JRK: variants seen among roughly 807,000 people sequenced by gnomAD.
The protein encoded by JRK is jerky protein homolog.
For synonymous variants in JRK, 303 were observed against 218.1 expected (o/e 1.39, Z -3.43); for missense variants, 720 against 509.2 (o/e 1.41, Z -3.98).
Position 142,661,809 on chromosome 8 carries a change from A to T in JRK, c.*2543T>A, listed in dbSNP as rs1320666541. ...CTTGGGGAAAAAGATTCTGAGGCTA[A>T]AACATTCAACCACTTGAGCTTCTGA... On this transcript the variant is annotated 3_prime_UTR_variant, in exon 2 of 2. Coordinates refer to ENST00000612905, the MANE Select transcript of JRK (RefSeq NM_003724.4). 6 of 985,498 alleles carry T rather than the reference A, an allele frequency of 6.1e-6. No individual in the cohort carries two copies. In the African/African-American group the frequency reaches 1.0e-4, roughly 17 times the overall value. 61.0% of individuals were successfully genotyped at this position (985,498 alleles called of 1,614,324 possible). A position where few individuals can be genotyped will look rare whatever the true frequency, so the allele number is the denominator to read the frequency against.
downstream of JRK, among the ~76,000 whole-genome samples, chr8:142,655,794 G>A (rs1461478684): frequency 1.3e-5 from 2 of 152,166 alleles, no homozygotes; most frequent in African/African-American, 4.8e-5. Flanking sequence ...CTCCTTTGCT[G>A]CTTTTACACT....
chr8:142,647,913 G>T, the JRK span, among the ~76,000 whole-genome samples: 4 of 152,342 alleles, frequency 2.6e-5, no homozygotes, highest in South Asian at 8.3e-4. Flanking sequence ...AATGCTGATA[G>T]TAATACGGAC....
the JRK span, among the ~76,000 whole-genome samples, chr8:142,650,723 G>T: frequency 1.3e-5 from 2 of 152,114 alleles, no homozygotes; most frequent in African/African-American, 4.8e-5. Context: ...TTTGTAAATT[G>T]CCCAGTTTCG....
In JRK at chr8:142,659,420, T is replaced by G; in HGVS notation, c.*4932A>C. The G allele has an allele frequency of 1.0e-6, 1 of 986,772 alleles. No homozygotes were observed. Among genetic ancestry groups the G allele is most frequent in the Non-Finnish European group, 1.2e-6 (1 of 830,798 alleles). 61.1% of individuals were successfully genotyped at this position (986,772 alleles called of 1,614,324 possible). Reference sequence around the variant, plus strand: ...TGTGGGACGGGGCTACCTGCAGACATAGAGGGCCTTTGAGCACCTCGTAGC... The same window carrying G: ...TGTGGGACGGGGCTACCTGCAGACAGAGAGGGCCTTTGAGCACCTCGTAGC... On this transcript the variant is annotated 3_prime_UTR_variant, in exon 2 of 2. Transcript: ENST00000612905.
At chr8:142,650,063 A>G in the JRK span, among the ~76,000 whole-genome samples, 1 of 152,280 alleles carries the variant, frequency 6.6e-6, no homozygotes, top group East Asian at 1.9e-4. Context: ...GATGTGAAAC[A>G]TGGAGTCAAA....
Position 142,664,574 on chromosome 8 carries a change from G to A in JRK, c.1485C>T (p.Asp495=), listed in dbSNP as rs370638998. 28 of 1,608,324 alleles carry A rather than the reference G, an allele frequency of 1.7e-5. No homozygotes were observed. The highest frequency in any genetic ancestry group is 1.5e-4 in the African/African-American group (11 of 74,838). The change falls in exon 2 of 2, where the codon GAC becomes GAT. Residue 495 remains aspartate, a synonymous_variant. Coordinates refer to ENST00000612905, the MANE Select transcript of JRK (RefSeq NM_003724.4). ...GCCGCTCCGCAAAGCGCAGGACTGC[G>A]TCAAAGGCCACGGCCGCCTGCTCCC... ...VAWEQAAVAF[D]AVLRFAERQP...
the JRK span, among the ~76,000 whole-genome samples, chr8:142,645,627 C>T: frequency 1.3e-5 from 2 of 151,944 alleles, no homozygotes; most frequent in African/African-American, 2.4e-5. Context: ...TTGCAGTGAG[C>T]CAAGATCGCG....
At chr8:142,669,163 AGTGTGTGTGTGTGTGTGTGT>A (rs59300327) in intron 1 of JRK, among the ~76,000 whole-genome samples, 3 of 136,122 alleles carry the variant, frequency 2.2e-5, no homozygotes, top group Admixed American at 7.3e-5. Context: ...GCAGGGGCAT[AGTGTGTGTGTGTGTGTGTGT>A]GTGTGTGTGT....
At position 142,662,220 on chromosome 8, in the gene JRK, G is replaced by C; in HGVS notation, c.*2132C>G. 2 of 985,480 alleles carry C rather than the reference G, an allele frequency of 2.0e-6. No individual in the cohort carries two copies. The highest frequency in any genetic ancestry group is 2.4e-6 in the Non-Finnish European group (2 of 829,960). 61.0% of individuals were successfully genotyped at this position (985,480 alleles called of 1,614,324 possible). A position where few individuals can be genotyped will look rare whatever the true frequency, so the allele number is the denominator to read the frequency against. ...GCAGATCAAGAACGGGAAGAGCTCA[G>C]GTCCTGAAGAGCTACAGTCTGACAG... is the stretch of plus-strand genomic sequence containing the variant. On this transcript the variant is annotated 3_prime_UTR_variant, in exon 2 of 2. Transcript: ENST00000612905.
Position 142,666,431 on chromosome 8 carries a change from C to A in JRK, c.-373G>T. 2.6e-6 allele frequency: 1 copy of A among 384,490 alleles called. No individual in the cohort carries two copies. Among genetic ancestry groups the A allele is most frequent in the Non-Finnish European group, 5.2e-6 (1 of 192,962 alleles). 23.8% of individuals were successfully genotyped at this position (384,490 alleles called of 1,614,324 possible). ...TGGCAGCGGCTCCCCTCAAACTGACCAGGTTTGGGGTGGTAGAGGTTTTAC... is the reference window on the plus strand; with the variant it reads ...TGGCAGCGGCTCCCCTCAAACTGACAAGGTTTGGGGTGGTAGAGGTTTTAC... On this transcript the variant is annotated 5_prime_UTR_variant, in exon 2 of 2. Transcript: ENST00000612905.
At chr8:142,648,475 G>A in the JRK span, among the ~76,000 whole-genome samples, 2 of 152,246 alleles carry the variant, frequency 1.3e-5, no homozygotes, top group Non-Finnish European at 2.9e-5. Flanking sequence ...ATGGCTGAGA[G>A]GGGCCAACAT....
At chr8:142,656,769 C>T (rs4557682), downstream of JRK, among the ~76,000 whole-genome samples, 83,296 of 151,900 alleles carry the variant, frequency 0.55, 24,154 homozygotes, top group Admixed American at 0.66. Context: ...GTGGGGACAA[C>T]GCTGTATCTC....
At chr8:142,669,698 G>C (rs1208356262) in intron 1 of JRK, among the ~76,000 whole-genome samples, 2 of 151,312 alleles carry the variant, frequency 1.3e-5, no homozygotes, top group African/African-American at 4.8e-5. Flanking sequence ...CGCGGGGGTC[G>C]CGCGGGAAGC....
Position 142,659,638 on chromosome 8 carries a change from C to G in JRK, c.*4714G>C. ...CAGATTCAGAGGCTCAGGACCACCACGGAACTGAAAGGAGGTTCAAGGCCT... is the reference window on the plus strand; with the variant it reads ...CAGATTCAGAGGCTCAGGACCACCAGGGAACTGAAAGGAGGTTCAAGGCCT... On this transcript the variant is annotated 3_prime_UTR_variant, in exon 2 of 2. Coordinates refer to ENST00000612905, the MANE Select transcript of JRK (RefSeq NM_003724.4). 1 of 985,578 alleles carries G rather than the reference C, an allele frequency of 1.0e-6. No homozygotes were observed. Among genetic ancestry groups the G allele is most frequent in the Middle Eastern group, 5.2e-4 (1 of 1,916 alleles). 61.1% of individuals were successfully genotyped at this position (985,578 alleles called of 1,614,324 possible).
downstream of JRK, among the ~76,000 whole-genome samples, chr8:142,657,250 T>C (rs1451923788): frequency 6.6e-6 from 1 of 152,066 alleles, no homozygotes; most frequent in African/African-American, 2.4e-5. Flanking sequence ...TTGTAACTAG[T>C]TGTACTCATA....
At chr8:142,666,661 T>C (rs13255558) in intron 1 of JRK, 141 bp from the exon 2 acceptor site, 100,470 of 168,050 alleles carry the variant, frequency 0.6, 31,498 homozygotes, top group Admixed American at 0.69. Flanking sequence ...TGGCATGCAC[T>C]GTGGGGAGAG....
Position 142,659,857 on chromosome 8 carries a change from G to A in JRK, c.*4495C>T, listed in dbSNP as rs1383136287. The stretch of plus-strand genomic sequence containing the variant: ...GCAACTTCACACCTGCCCCTCCCTG[G>A]GCCCCAGTCTCATCCCTAAACAGGA... On this transcript the variant is annotated 3_prime_UTR_variant, in exon 2 of 2. Coordinates refer to ENST00000612905, the MANE Select transcript of JRK (RefSeq NM_003724.4). 1 of 985,570 alleles carries A rather than the reference G, an allele frequency of 1.0e-6. No individual in the cohort carries two copies. The highest frequency in any genetic ancestry group is 1.2e-6 in the Non-Finnish European group (1 of 830,056). 61.1% of individuals were successfully genotyped at this position (985,570 alleles called of 1,614,324 possible). A position where few individuals can be genotyped will look rare whatever the true frequency, so the allele number is the denominator to read the frequency against.
Position 142,665,587 on chromosome 8 carries a change from C to T in JRK, c.472G>A (p.Asp158Asn), listed in dbSNP as rs961168200. The change falls in exon 2 of 2, where the codon GAC (aspartate) becomes AAC (asparagine). Residue 158 changes from aspartate (D) to asparagine (N), a missense_variant. Transcript: ENST00000612905. ...LDASSEKQSADHQAAEQFCAF... is the reference protein window; with the variant it reads ...LDASSEKQSANHQAAEQFCAF... ...CAGAACTGCTCCGCGGCCTGGTGGT[C>T]GGCTGACTGCTTTTCACTGGATGCA... The T allele has an allele frequency of 8.4e-6, 6 of 718,514 alleles. No homozygotes were observed. The highest frequency in any genetic ancestry group is 1.3e-5 in the Non-Finnish European group (5 of 385,098). The allele number at this position is 718,514 out of a possible 1,614,324, so 44.5% of individuals were successfully genotyped here.
rs1262436365 is a variant in JRK at position 142,659,803 on chromosome 8, A to G, written c.*4549T>C. 1.0e-6 allele frequency: 1 copy of G among 985,626 alleles called. No homozygotes were observed. 61.1% of individuals were successfully genotyped at this position (985,626 alleles called of 1,614,324 possible). A position where few individuals can be genotyped will look rare whatever the true frequency, so the allele number is the denominator to read the frequency against. On this transcript the variant is annotated 3_prime_UTR_variant, in exon 2 of 2. Coordinates refer to ENST00000612905, the MANE Select transcript of JRK (RefSeq NM_003724.4). ...GAACGTGAGGCTGGTCATTAGGAGC[A>G]GGTAGCCCTGGGTCTCCCTCTGCCC...
Sources: gnomAD v4.1 joint callset for allele counts (sites outside exome capture counted in the v4.1 genomes callset) on GRCh38, gnomAD v4.1.1 for gene constraint, MANE v1.5 for transcripts, NCBI Gene and HGNC (gene_info 2026-07-23, HGNC 2026-07-21) for gene names.